SNTG1: variants seen among roughly 807,000 people sequenced by gnomAD.
The protein encoded by SNTG1 is gamma-1-syntrophin.
SNTG1 carries 39 observed loss-of-function variants against 74.7 expected under a neutral mutation model. That is an observed-to-expected ratio of 0.52 (90% CI 0.40 to 0.68). The LOEUF is 0.68. Among genes scored for constraint, SNTG1 ranks in the 30% least tolerant of loss-of-function variants. The probability of loss-of-function intolerance (pLI) is 0.00; values close to 1 mark genes in which losing one functional copy is unlikely to be tolerated. For missense variants in SNTG1, 685 were observed against 609.5 expected (o/e 1.12, Z -1.30); for synonymous variants, 254 against 217.1 (o/e 1.17, Z -1.49).
chr8:50,763,488 G>C lies in SNTG1; in HGVS notation c.1395+11377G>C, dbSNP rs1376537948. Reference sequence around the variant, plus strand: ...GACACAAATATATGGAAAGAACTCAGAATGGCATAGATTCTCTTCTGGCCT... The same window carrying C: ...GACACAAATATATGGAAAGAACTCACAATGGCATAGATTCTCTTCTGGCCT... On this transcript the variant is annotated intron_variant, in intron 18 of 18. Transcript: ENST00000642720. Among the ~76,000 whole-genome samples the C allele has an allele frequency of 2.6e-5, 4 of 151,690 alleles. No homozygotes were observed. In the South Asian group the frequency reaches 8.3e-4, roughly 32 times the overall value.
At chr8:49,925,948 C>A (rs892396468) in intron 1 of SNTG1, among the ~76,000 whole-genome samples, 3 of 152,100 alleles carry the variant, frequency 2.0e-5, no homozygotes, top group Non-Finnish European at 4.4e-5. Context: ...TCCCTATGAG[C>A]ACACTTGATC....
chr8:50,696,748 A>G (rs10481271), intron 15 of SNTG1, among the ~76,000 whole-genome samples: 6,618 of 151,986 alleles, frequency 0.044, 382 homozygotes, highest in African/African-American at 0.12. Context: ...TGGCTGTGGC[A>G]TCACTTGACT....
intron 1 of SNTG1, among the ~76,000 whole-genome samples, chr8:50,045,358 G>A (rs567696368): frequency 4.6e-5 from 7 of 152,276 alleles, no homozygotes; most frequent in South Asian, 2.1e-4. Context: ...GGCACATCAC[G>A]TGCTCAGAGT....
intron 15 of SNTG1, among the ~76,000 whole-genome samples, chr8:50,704,113 GT>G (rs67739459): frequency 0.23 from 35,032 of 150,874 alleles, 4,261 homozygotes; most frequent in Middle Eastern, 0.32. Flanking sequence ...TAAATAATGC[GT>G]TTTTTTTTAA....
In SNTG1 at chr8:50,601,150, GACAA is replaced by G. The variant is rs869269620; in HGVS notation, c.849+10235_849+10238del. ...TCCAGCCTGGTGACAGAGCCAGCGA[GACAA>G]AAAAAAAAAAAAAAAAAAAAAAAAA... On this transcript the variant is annotated intron_variant, in intron 13 of 18. Transcript: ENST00000642720. 1.4e-4 allele frequency among the ~76,000 whole-genome samples: 3 copies of G among 21,896 alleles called. No individual in the cohort carries two copies. The African/African-American group carries it at 1.5e-3, about 11-fold the overall frequency. The allele number at this position is 21,896 out of a possible 152,430, so 14.4% of individuals were successfully genotyped here.
intron 17 of SNTG1, among the ~76,000 whole-genome samples, chr8:50,725,019 A>G (rs988495522): frequency 2.0e-5 from 3 of 152,188 alleles, no homozygotes; most frequent in Admixed American, 2.0e-4. Context: ...AATGGAGACA[A>G]ATAAATATCA....
chr8:50,141,247 A>C (rs2081646150), intron 1 of SNTG1, among the ~76,000 whole-genome samples: 1 of 152,208 alleles, frequency 6.6e-6, no homozygotes, highest in African/African-American at 2.4e-5. Flanking sequence ...GGATTGCTAC[A>C]TCAGATGGTA....
At chr8:50,275,794 G>C (rs764792614) in intron 2 of SNTG1, among the ~76,000 whole-genome samples, 1 of 152,156 alleles carries the variant, frequency 6.6e-6, no homozygotes, top group Non-Finnish European at 1.5e-5. Flanking sequence ...AGTTGATCTT[G>C]ACTGTAAGAT....
At chr8:50,585,498 G>A (rs988349085) in intron 12 of SNTG1, among the ~76,000 whole-genome samples, 1 of 152,042 alleles carries the variant, frequency 6.6e-6, no homozygotes, top group Non-Finnish European at 1.5e-5. Context: ...CATAAAATTA[G>A]CATTGGTTTC....
At chr8:50,278,385 G>A (rs561915301) in intron 2 of SNTG1, among the ~76,000 whole-genome samples, 22 of 152,220 alleles carry the variant, frequency 1.4e-4, no homozygotes, top group African/African-American at 5.1e-4. Flanking sequence ...ATGTCTGTCT[G>A]TTGGCTTTGG....
chr8:50,148,710 T>A (rs1380200074), intron 1 of SNTG1, among the ~76,000 whole-genome samples: 1 of 152,200 alleles, frequency 6.6e-6, no homozygotes, highest in Non-Finnish European at 1.5e-5. Context: ...TTCATCCATG[T>A]CCATACAAAG....
chr8:50,469,866 C>T (rs2093638209), intron 8 of SNTG1, among the ~76,000 whole-genome samples: 1 of 152,136 alleles, frequency 6.6e-6, no homozygotes, highest in African/African-American at 2.4e-5. Context: ...ATAATCCCAG[C>T]TACTCGGGAG....
intron 1 of SNTG1, among the ~76,000 whole-genome samples, chr8:49,994,520 C>T (rs2130360560): frequency 6.6e-6 from 1 of 151,866 alleles, no homozygotes; most frequent in South Asian, 2.1e-4. Flanking sequence ...CTGCCTTGGC[C>T]TCCCAAAGTG....
chr8:50,159,347 C>T (rs1244688943), intron 1 of SNTG1, among the ~76,000 whole-genome samples: 1 of 152,090 alleles, frequency 6.6e-6, no homozygotes, highest in East Asian at 1.9e-4. Context: ...CCTGGTTATA[C>T]CAAATTTCTG....
chr8:50,784,549 G>A (rs1383666522), intron 18 of SNTG1, among the ~76,000 whole-genome samples: 1 of 152,038 alleles, frequency 6.6e-6, no homozygotes, highest in African/African-American at 2.4e-5. Flanking sequence ...AACAAATGAG[G>A]CGAAATCGAA....
chr8:50,417,710 C>G (rs150183192), intron 4 of SNTG1, among the ~76,000 whole-genome samples: 5 of 152,252 alleles, frequency 3.3e-5, no homozygotes, highest in Non-Finnish European at 7.4e-5. Context: ...CATTCTCACT[C>G]CAAGGTGATG....
chr8:49,969,652 C>T (rs914415356), intron 1 of SNTG1, among the ~76,000 whole-genome samples: 41 of 152,018 alleles, frequency 2.7e-4, no homozygotes, highest in Admixed American at 1.8e-3. Context: ...CGGCCTCGTT[C>T]TCCCAAAGTG....
chr8:50,625,537 CA>C (rs1304254157), intron 13 of SNTG1, among the ~76,000 whole-genome samples: 1 of 151,928 alleles, frequency 6.6e-6, no homozygotes, highest in Non-Finnish European at 1.5e-5. Flanking sequence ...AAATAAGGAC[CA>C]AAAAAGAACA....
chr8:50,764,159 C>T (rs2095607519), intron 18 of SNTG1, among the ~76,000 whole-genome samples: 1 of 151,256 alleles, frequency 6.6e-6, no homozygotes, highest in African/African-American at 2.4e-5. Context: ...TATCTAACAC[C>T]ATATATAAAA....
Sources: allele counts gnomAD v4.1 joint callset (sites outside exome capture counted in the v4.1 genomes callset), GRCh38; gene constraint gnomAD v4.1.1; transcripts MANE v1.5; gene names NCBI Gene and HGNC (gene_info 2026-07-23, HGNC 2026-07-21).